The following FAM149A variants were observed in gnomAD, a reference collection of about 807,000 sequenced individuals.
FAM149A encodes the protein protein FAM149A.
In FAM149A, 71 loss-of-function variants were observed where a neutral mutation model predicts 78.2. The ratio of observed to expected loss-of-function variants is 0.91; its 90% CI spans 0.75 to 1.11. The LOEUF is 1.11. Among genes scored for constraint, FAM149A ranks in the 50% least tolerant of loss-of-function variants. FAM149A has a pLI of 0.00. For missense variants in FAM149A, 1,036 were observed against 971.0 expected (o/e 1.07, Z -0.89); for synonymous variants, 446 against 410.5 (o/e 1.09, Z -1.04).
intron 1 of FAM149A, among the ~76,000 whole-genome samples, chr4:186,132,428 G>A (rs1272203150): frequency 6.6e-6 from 1 of 152,206 alleles, no homozygotes; most frequent in African/African-American, 2.4e-5. Flanking sequence ...GCCGACATTG[G>A]TGAAAAGATG....
chr4:186,151,048 G>A, intron 3 of FAM149A: 1 of 985,404 alleles, frequency 1.0e-6, no homozygotes. Flanking sequence ...CACTGCACAT[G>A]GGAATCCGCT....
intron 4 of FAM149A, 50 bp from the exon 5 acceptor site, chr4:186,153,595 T>A (rs1733785950): frequency 6.3e-7 from 1 of 1,581,514 alleles, no homozygotes; most frequent in South Asian, 1.1e-5. Context: ...CTCCAAACAT[T>A]TTCCCTTTGT....
chr4:186,111,505 C>T (rs865953420), intron 1 of FAM149A, among the ~76,000 whole-genome samples: 26 of 152,154 alleles, frequency 1.7e-4, no homozygotes, highest in African/African-American at 6.3e-4. Context: ...CCTAGGTTTT[C>T]TTCTAGGGTT....
rs532611395 is a variant in FAM149A, at chr4:186,163,615, T to C, written c.1871T>C (p.Val624Ala). The stretch of plus-strand genomic sequence containing the variant: ...ACTCCCAACATCTATAGTGACGAAG[T>C]TCTTCGGGGAACAAAACTGTGAGTC... The change falls in exon 10 of 14, where the codon GTT (valine) becomes GCT (alanine). Residue 624 changes from valine (V) to alanine (A), a missense_variant. Physicochemically the swap from Val to Ala is moderately conservative, Grantham distance 64. This residue lies in a region of FAM149A where 716 missense variants were observed against 711.8 expected (regional missense o/e 1.01). Transcript: ENST00000389354. 16 of 1,613,898 alleles carry C rather than the reference T, an allele frequency of 9.9e-6. No individual in the cohort carries two copies. In the South Asian group the frequency reaches 1.4e-4, roughly 14 times the overall value.
intron 1 of FAM149A, among the ~76,000 whole-genome samples, chr4:186,122,342 A>C (rs1178764082): frequency 6.6e-6 from 1 of 152,262 alleles, no homozygotes. Context: ...CTAGTTTAAA[A>C]ATATAGCTAT....
chr4:186,164,925 A>G lies in FAM149A; in HGVS notation c.1890-419A>G, dbSNP rs1042269158. Among the ~76,000 whole-genome samples the G allele has an allele frequency of 8.5e-5, 13 of 152,110 alleles. No homozygotes were observed. The highest frequency in any genetic ancestry group is 1.9e-4 in the Non-Finnish European group (13 of 68,024). ...CACATGGAATTGTAGTCCCACAGAC[A>G]GCCTGTTTGTCTGTGTGCATAGCTG... On this transcript the variant is annotated intron_variant, in intron 10 of 13. Transcript: ENST00000389354. This position sits in a 1 kb window ranked among gnomAD's most constrained non-coding sequence, Gnocchi z 4.0.
At chr4:186,141,768 A>C (rs779095093) in intron 1 of FAM149A, among the ~76,000 whole-genome samples, 1 of 152,226 alleles carries the variant, frequency 6.6e-6, no homozygotes, top group Non-Finnish European at 1.5e-5. Context: ...ACAAGACGTC[A>C]GATTTAGGGG....
At chr4:186,111,622 A>C (rs1462166271) in intron 1 of FAM149A, among the ~76,000 whole-genome samples, 35 of 149,794 alleles carry the variant, frequency 2.3e-4, no homozygotes, top group South Asian at 8.6e-4. Flanking sequence ...ATGGCTAGCC[A>C]GTTTTCCCAG....
intron 1 of FAM149A, among the ~76,000 whole-genome samples, chr4:186,110,637 A>G (rs1202553198): frequency 1.5e-5 from 2 of 132,536 alleles, no homozygotes; most frequent in African/African-American, 5.9e-5. Context: ...GAGTGAGAAT[A>G]TGCGGTGTTT....
At chr4:186,156,889 C>G (rs1240289258) in intron 7 of FAM149A, among the ~76,000 whole-genome samples, 1 of 91,806 alleles carries the variant, frequency 1.1e-5, no homozygotes, top group Non-Finnish European at 2.8e-5. Context: ...ATGGGAGGAC[C>G]CCTTGAGCTC....
At chr4:186,118,757 A>G (rs1190025834) in intron 1 of FAM149A, among the ~76,000 whole-genome samples, 3 of 152,108 alleles carry the variant, frequency 2.0e-5, no homozygotes, top group Non-Finnish European at 4.4e-5. Context: ...GACGATCTGG[A>G]GTTGAGGGTG....
intron 13 of FAM149A, among the ~76,000 whole-genome samples, chr4:186,171,615 G>A (rs1374634326): frequency 6.6e-6 from 1 of 152,168 alleles, no homozygotes; most frequent in African/African-American, 2.4e-5. Context: ...CTGCCAGGAA[G>A]TAGTGCTCCC....
In FAM149A at chr4:186,167,202, A is replaced by G. The variant is rs777580478; in HGVS notation, c.2158A>G (p.Ser720Gly). Reference sequence around the variant, plus strand: ...CCAGCAGTCGGATACGCCTCGAAAAAGTTCATTGACACAAATGGAATTTGC... The same window carrying G: ...CCAGCAGTCGGATACGCCTCGAAAAGGTTCATTGACACAAATGGAATTTGC... The change falls in exon 13 of 14, where the codon AGT becomes GGT. Residue 720 changes from serine (S) to glycine (G), a missense_variant. Ser to Gly is a moderately conservative substitution (Grantham distance 56, BLOSUM62 0). Transcript: ENST00000389354. 6.2e-7 allele frequency: 1 copy of G among 1,610,720 alleles called. No individual in the cohort carries two copies. The highest frequency in any genetic ancestry group is 1.3e-5 in the African/African-American group (1 of 75,022).
chr4:186,104,765 G>A lies in FAM149A; in HGVS notation c.-312G>A, dbSNP rs2099308098. 7.1e-6 allele frequency among the ~76,000 whole-genome samples: 1 copy of A among 141,332 alleles called. No individual in the cohort carries two copies. Among genetic ancestry groups the A allele is most frequent in the South Asian group, 2.3e-4 (1 of 4,406 alleles). 92.7% of individuals were successfully genotyped at this position (141,332 alleles called of 152,430 possible). On this transcript the variant is annotated 5_prime_UTR_variant, in exon 1 of 14. Transcript: ENST00000389354. Reference sequence around the variant, plus strand: ...CCGCGGGCGGCGGGCGGCGGGCGGCGGGCGTCTGGGGCGGGCGGCGGCCGC... The same window carrying A: ...CCGCGGGCGGCGGGCGGCGGGCGGCAGGCGTCTGGGGCGGGCGGCGGCCGC...
chr4:186,149,014 GT>G, intron 1 of FAM149A, 158 bp from the exon 2 acceptor site: 1 of 158,822 alleles, frequency 6.3e-6, no homozygotes, highest in Admixed American at 6.6e-5. Context: ...GTGTGTGTGT[GT>G]GTGTGTGTGT....
intron 1 of FAM149A, chr4:186,132,015 CTTA>C (rs1270048783): frequency 3.0e-6 from 3 of 985,272 alleles, no homozygotes; most frequent in Non-Finnish European, 3.6e-6. Context: ...TTCTAGCTTT[CTTA>C]TTATCTCCAT....
At chr4:186,151,666 G>C (rs931728845) in intron 3 of FAM149A, 1 of 949,664 alleles carries the variant, frequency 1.1e-6, no homozygotes, top group African/African-American at 1.8e-5. Flanking sequence ...CATAACTTCC[G>C]TGGCAGAAGT....
chr4:186,126,797 C>A, intron 1 of FAM149A: 1 of 779,296 alleles, frequency 1.3e-6, no homozygotes, highest in South Asian at 5.8e-5. Flanking sequence ...ATTGCGTGAG[C>A]CTGTTCCCCT....
In FAM149A at chr4:186,144,932, CGG is replaced by C; in HGVS notation, c.567-4239_567-4238del. On this transcript the variant is annotated intron_variant, in intron 1 of 13. Transcript: ENST00000389354. This position sits in a 1 kb window ranked among gnomAD's most constrained non-coding sequence, Gnocchi z 4.2. ...AGCTGGGCCAGCCGCGCGGCGGGCGCGGGCGCGGGCGCGGGCGCGGGCGCGGG... is the reference window on the plus strand; with the variant it reads ...AGCTGGGCCAGCCGCGCGGCGGGCGCGCGCGGGCGCGGGCGCGGGCGCGGG... The C allele has an allele frequency of 1.7e-5, 4 of 242,188 alleles. No individual in the cohort carries two copies. Among genetic ancestry groups the C allele is most frequent in the Non-Finnish European group, 1.9e-5 (4 of 214,162 alleles). 15.0% of individuals were successfully genotyped at this position (242,188 alleles called of 1,614,324 possible).
Sources: gnomAD v4.1 joint callset for allele counts (sites outside exome capture counted in the v4.1 genomes callset) on GRCh38, gnomAD v4.1.1 for gene constraint, gnomAD v4.1.1 regional missense constraint, Gnocchi (gnomAD v3.1) non-coding constraint, MANE v1.5 for transcripts, NCBI Gene and HGNC (gene_info 2026-07-23, HGNC 2026-07-21) for gene names.